TGIF1: variants seen among roughly 807,000 people sequenced by gnomAD.
The protein encoded by TGIF1 is TGFB induced factor homeobox 1.
Under a neutral mutation model 19.3 loss-of-function variants are expected in TGIF1, and 4 were observed. That is an observed-to-expected ratio of 0.21 (90% confidence interval 0.10 to 0.47). The LOEUF is 0.47. Among genes scored for constraint, TGIF1 ranks in the 20% least tolerant of loss-of-function variants. The pLI is 0.98. For synonymous variants in TGIF1, 122 were observed against 129.3 expected, an observed-to-expected ratio of 0.94 and a Z score of 0.38; for missense variants, 275 against 341.4, an observed-to-expected ratio of 0.81 and a Z score of 1.53.
In TGIF1 at chr18:3,458,176, A is replaced by G. The variant is rs2049425027; in HGVS notation, c.*236A>G. On this transcript the variant is annotated 3_prime_UTR_variant, in exon 3 of 3. Transcript: ENST00000343820. Reference sequence around the variant, plus strand: ...AAATGTTTCTTGGTAGATTATTCATAATGTGAGATGGTTCCCAATATCATG... The same window carrying G: ...AAATGTTTCTTGGTAGATTATTCATGATGTGAGATGGTTCCCAATATCATG... The G allele has an allele frequency of 2.0e-6, 1 of 509,336 alleles. No individual in the cohort carries two copies. The allele number at this position is 509,336 out of a possible 1,614,324, so 31.6% of individuals were successfully genotyped here.
Position 3,457,984 on chromosome 18 carries a change from G to T in TGIF1, c.*44G>T. On this transcript the variant is annotated 3_prime_UTR_variant, in exon 3 of 3. Transcript: ENST00000343820. This position sits in a 1 kb window ranked among gnomAD's most constrained non-coding sequence, Gnocchi z 4.9. ...AGTTCTCAGAAATGTCATGATTGCCGGGGTGAAGGCAAGAGATGAATTGCA... is the reference window on the plus strand; with the variant it reads ...AGTTCTCAGAAATGTCATGATTGCCTGGGTGAAGGCAAGAGATGAATTGCA... 1 of 1,552,898 alleles carries T rather than the reference G, an allele frequency of 6.4e-7. No homozygotes were observed. The highest frequency in any genetic ancestry group is 8.8e-7 in the Non-Finnish European group (1 of 1,137,660).
At position 3,457,044 on chromosome 18, in the gene TGIF1, G is replaced by GTAAACCTAT. The variant is rs2143412977; in HGVS notation, c.244-321_244-320insTAAACCTAT. 1.8e-6 allele frequency: 1 copy of GTAAACCTAT among 553,910 alleles called. No individual in the cohort carries two copies. Among genetic ancestry groups the GTAAACCTAT allele is most frequent in the African/African-American group, 1.9e-5 (1 of 53,242 alleles). The allele number at this position is 553,910 out of a possible 1,614,324, so 34.3% of individuals were successfully genotyped here. On this transcript the variant is annotated intron_variant, in intron 2 of 2. Coordinates refer to ENST00000343820, the MANE Select transcript of TGIF1 (RefSeq NM_003244.4). This position sits in a 1 kb window ranked among gnomAD's most constrained non-coding sequence, Gnocchi z 4.9. ...GCAGTAGGTGATAGGTTAAAATGGG[G>GTAAACCTAT]AGAGTTAAAAAGTAAACCTCTCTCT... is the stretch of plus-strand genomic sequence containing the variant.
In TGIF1 at chr18:3,451,629, T is replaced by TG. The variant is rs941585470; in HGVS notation, c.16+1130dup. The TG allele has an allele frequency of 1.0e-4, 112 of 1,102,932 alleles. No homozygotes were observed. The Middle Eastern group carries it at 1.2e-3, about 11-fold the overall frequency. The allele number at this position is 1,102,932 out of a possible 1,614,324, so 68.3% of individuals were successfully genotyped here. A position where few individuals can be genotyped will look rare whatever the true frequency, so the allele number is the denominator to read the frequency against. ...GACCCGGCCCGCTGCGGGGCGTTCC[T>TG]GGGGGGTAGCCTCAAGGCCAGCGGG... On this transcript the variant is annotated intron_variant, in intron 1 of 2. Coordinates refer to ENST00000343820, the MANE Select transcript of TGIF1 (RefSeq NM_003244.4). The surrounding 1 kb of genome is among the most constrained non-coding windows in gnomAD (Gnocchi z 5.4).
chr18:3,452,400 A>T, intron 1 of TGIF1: 1 of 1,613,064 alleles, frequency 6.2e-7, no homozygotes, highest in South Asian at 1.1e-5. Context: ...GCTGAAGGGG[A>T]AACTTTGCGA....
intron 2 of TGIF1, among the ~76,000 whole-genome samples, chr18:3,426,916 C>CTTTTTT (rs545236407): frequency 3.0e-5 from 3 of 100,086 alleles, no homozygotes; most frequent in Non-Finnish European, 3.9e-5. Context: ...AGGATGATCT[C>CTTTTTT]TTTTTTTTTT....
chr18:3,412,187 G>A (rs2052758363), exon 1 of TGIF1: 1 of 152,102 alleles, frequency 6.6e-6, no homozygotes, highest in African/African-American at 2.4e-5. Context: ...CGATCCCGAG[G>A]CCTGCGCATG....
intron 1 of TGIF1, among the ~76,000 whole-genome samples, chr18:3,417,139 G>T (rs930852977): frequency 1.3e-4 from 19 of 151,988 alleles, no homozygotes; most frequent in Non-Finnish European, 1.5e-5. Flanking sequence ...GGTTTTATTT[G>T]TTTTTTGTTG....
At chr18:3,449,950 G>A, upstream of TGIF1, 1 of 986,800 alleles carries the variant, frequency 1.0e-6, no homozygotes, top group Non-Finnish European at 1.2e-6. Flanking sequence ...CGGGCGGTCC[G>A]TGCGCGGCAG....
chr18:3,439,228 A>G (rs2082652447), intron 2 of TGIF1, among the ~76,000 whole-genome samples: 1 of 152,192 alleles, frequency 6.6e-6, no homozygotes, highest in African/African-American at 2.4e-5. Flanking sequence ...TTATTACACT[A>G]GGATCTCCTC....
intron 2 of TGIF1, among the ~76,000 whole-genome samples, chr18:3,424,698 T>C (rs1316916626): frequency 6.6e-6 from 1 of 152,086 alleles, no homozygotes; most frequent in African/African-American, 2.4e-5. Flanking sequence ...GTAGCTGAAG[T>C]TTGAGTTATT....
At chr18:3,430,944 A>G (rs944059962) in intron 2 of TGIF1, among the ~76,000 whole-genome samples, 1 of 152,212 alleles carries the variant, frequency 6.6e-6, no homozygotes, top group Non-Finnish European at 1.5e-5. Flanking sequence ...TACTTATTGT[A>G]TAATAACAAA....
At position 3,457,386 on chromosome 18, in the gene TGIF1, G is replaced by T; in HGVS notation, c.265G>T (p.Ala89Ser). The T allele has an allele frequency of 6.2e-7, 1 of 1,614,164 alleles. No individual in the cohort carries two copies. Among genetic ancestry groups the T allele is most frequent in the Non-Finnish European group, 8.5e-7 (1 of 1,180,038 alleles). ...TLQVCNWFIN[A>S]RRRLLPDMLR... ...TCAGGTCTGTAACTGGTTCATCAAC[G>T]CCCGCCGCAGGCTCCTCCCTGACAT... Residue 89 changes from alanine (A) to serine (S), a missense_variant, in exon 3 of 3, where the codon GCC becomes TCC. Transcript: ENST00000343820. The surrounding 1 kb of genome is among the most constrained non-coding windows in gnomAD (Gnocchi z 4.9).
upstream of TGIF1, among the ~76,000 whole-genome samples, chr18:3,448,800 T>A (rs1466084244): frequency 6.8e-6 from 1 of 147,864 alleles, no homozygotes; most frequent in Non-Finnish European, 1.5e-5. Flanking sequence ...GAGTTAGTTA[T>A]CCCTTGGCCG....
chr18:3,434,291 C>T (rs993248064), intron 2 of TGIF1, among the ~76,000 whole-genome samples: 2 of 152,118 alleles, frequency 1.3e-5, no homozygotes, highest in African/African-American at 4.8e-5. Flanking sequence ...AATCTCAGCA[C>T]ACTGGGAGGC....
chr18:3,447,839 G>C (rs1300551645), upstream of TGIF1: 1 of 1,611,822 alleles, frequency 6.2e-7, no homozygotes, highest in African/African-American at 1.3e-5. Context: ...TAATTCGAAA[G>C]AGGCTTTCAA....
In TGIF1 at chr18:3,444,286, CT is replaced by C. The variant is rs57205118; in HGVS notation, c.-44-12053del. Among the ~76,000 whole-genome samples, 580 of 122,202 alleles carry C rather than the reference CT, an allele frequency of 4.7e-3. 2 individuals are homozygous for C. The highest frequency in any genetic ancestry group is 0.016 in the African/African-American group (422 of 26,652). 80.2% of individuals were successfully genotyped at this position (122,202 alleles called of 152,430 possible). A position where few individuals can be genotyped will look rare whatever the true frequency, so the allele number is the denominator to read the frequency against. On this transcript the variant is annotated intron_variant, in intron 2 of 3. Coordinates refer to the TGIF1 transcript ENST00000401449. ...TATTCTTATAGTCTCACTTTCTTTT[CT>C]TTTTTTTTTTTTTTGTCTTTTTAAA...
Position 3,457,384 on chromosome 18 carries a change from A to G in TGIF1, c.263A>G (p.Asn88Ser), listed in dbSNP as rs1598913041. 2 of 1,614,192 alleles carry G rather than the reference A, an allele frequency of 1.2e-6. No individual in the cohort carries two copies. The highest frequency in any genetic ancestry group is 1.3e-5 in the African/African-American group (1 of 75,050). The change falls in exon 3 of 3, where the codon AAC (asparagine) becomes AGC (serine). Residue 88 changes from asparagine (N) to serine (S), a missense_variant. Transcript: ENST00000343820. The surrounding 1 kb of genome is among the most constrained non-coding windows in gnomAD (Gnocchi z 4.9). ...STLQVCNWFI[N>S]ARRRLLPDML... ...TTTCAGGTCTGTAACTGGTTCATCA[A>G]CGCCCGCCGCAGGCTCCTCCCTGAC...
chr18:3,453,755 G>T (rs2083072478), intron 1 of TGIF1: 1 of 976,430 alleles, frequency 1.0e-6, no homozygotes, highest in Non-Finnish European at 1.2e-6. Context: ...GGATCCTCAG[G>T]CCATGTTGTG....
chr18:3,455,201 C>T (rs1256681399), intron 1 of TGIF1: 4 of 152,022 alleles, frequency 2.6e-5, no homozygotes, highest in Non-Finnish European at 5.9e-5. Flanking sequence ...AGATTGTCTA[C>T]AAGCAAAAGA....
Sources: allele counts gnomAD v4.1 joint callset (sites outside exome capture counted in the v4.1 genomes callset), GRCh38; gene constraint gnomAD v4.1.1; non-coding constraint Gnocchi (gnomAD v3.1); transcripts MANE v1.5; gene names NCBI Gene and HGNC (gene_info 2026-07-23, HGNC 2026-07-21).